The following GPHN variants were observed in gnomAD, a reference collection of about 807,000 sequenced individuals.
The protein encoded by GPHN is gephyrin.
GPHN carries 17 observed loss-of-function variants against 95.5 expected under a neutral mutation model. The ratio of observed to expected loss-of-function variants is 0.18; its 90% confidence interval spans 0.12 to 0.27. GPHN has a LOEUF of 0.27. GPHN is among the 10% of genes least tolerant of loss of function. The pLI, the probability that GPHN is intolerant of heterozygous loss-of-function variation, is 1.00. For missense variants in GPHN, 660 were observed against 978.1 expected (o/e 0.67, Z 4.34); for synonymous variants, 320 against 322.5 (o/e 0.99, Z 0.08).
chr14:66,945,789 A>G (rs2067711847), intron 8 of GPHN, among the ~76,000 whole-genome samples: 1 of 152,184 alleles, frequency 6.6e-6, no homozygotes, highest in Non-Finnish European at 1.5e-5. Context: ...GGGACTTTAT[A>G]CAAAGCATAC....
chr14:67,477,705 G>A, the GPHN span, among the ~76,000 whole-genome samples: 5 of 152,264 alleles, frequency 3.3e-5, no homozygotes, highest in African/African-American at 4.8e-5. Context: ...CAGAAGGATC[G>A]CTCGAGCCCA....
chr14:67,442,187 C>T, the GPHN span, among the ~76,000 whole-genome samples: 1 of 152,046 alleles, frequency 6.6e-6, no homozygotes, highest in Non-Finnish European at 1.5e-5. Flanking sequence ...GCATAAGTGC[C>T]TAAGCGCCAT....
At position 67,040,261 on chromosome 14, in the gene GPHN, ATT is replaced by A. The variant is rs1376745671; in HGVS notation, c.1006+16589_1006+16590del. The stretch of plus-strand genomic sequence containing the variant: ...CATCCAGACTCCCCCAAATGTTAAC[ATT>A]TTGTCACATTTCCTTTATCATTTCT... On this transcript the variant is annotated intron_variant, in intron 10 of 22. Coordinates refer to ENST00000478722, the MANE Select transcript of GPHN (RefSeq NM_020806.5). 3.3e-5 allele frequency among the ~76,000 whole-genome samples: 5 copies of A among 152,136 alleles called. 1 individual carries two copies. The East Asian group carries it at 9.6e-4, about 29-fold the overall frequency.
chr14:67,473,437 G>A, the GPHN span: 1 of 1,614,042 alleles, frequency 6.2e-7, no homozygotes, highest in African/African-American at 1.3e-5. The surrounding 1 kb of genome is among the most constrained non-coding windows in gnomAD (Gnocchi z 6.5). Flanking sequence ...GTCTTGACAT[G>A]GCCGTTGGCC....
intron 2 of GPHN, among the ~76,000 whole-genome samples, chr14:66,684,211 A>T (rs946088570): frequency 1.3e-5 from 2 of 152,158 alleles, no homozygotes; most frequent in Non-Finnish European, 2.9e-5. Flanking sequence ...GTAAATAAGA[A>T]TTAAGAATTT....
chr14:67,405,301 C>G, the GPHN span, among the ~76,000 whole-genome samples: 3 of 148,624 alleles, frequency 2.0e-5, no homozygotes, highest in Non-Finnish European at 3.0e-5. Flanking sequence ...AGTTTGTTTA[C>G]TTATATGAAT....
At chr14:67,505,291 T>C in the GPHN span, among the ~76,000 whole-genome samples, 1 of 152,122 alleles carries the variant, frequency 6.6e-6, no homozygotes, top group Non-Finnish European at 1.5e-5. Context: ...CCTGTCCCCA[T>C]AGAAAACTGG....
At chr14:66,815,152 A>G (rs1467737577) in intron 3 of GPHN, among the ~76,000 whole-genome samples, 2 of 152,228 alleles carry the variant, frequency 1.3e-5, no homozygotes, top group Non-Finnish European at 2.9e-5. Context: ...AAAACTTCCA[A>G]GAAATATGGG....
chr14:67,466,882 C>G, the GPHN span, among the ~76,000 whole-genome samples: 1 of 151,280 alleles, frequency 6.6e-6, no homozygotes, highest in African/African-American at 2.4e-5. Flanking sequence ...GTAATCCCAG[C>G]TACTCAGGAG....
At chr14:67,316,998 C>A in the GPHN span, 1 of 959,082 alleles carries the variant, frequency 1.0e-6, no homozygotes, top group Non-Finnish European at 1.6e-6. Flanking sequence ...AAGAAGTACT[C>A]AGGGAAAGAG....
the GPHN span, among the ~76,000 whole-genome samples, chr14:67,230,471 C>G: frequency 6.6e-6 from 1 of 152,004 alleles, no homozygotes; most frequent in Non-Finnish European, 1.5e-5. Flanking sequence ...ATTCAGGAGA[C>G]TGAGGATGGA....
At chr14:67,511,926 G>A in the GPHN span, among the ~76,000 whole-genome samples, 17 of 152,356 alleles carry the variant, frequency 1.1e-4, no homozygotes, top group East Asian at 2.7e-3. Flanking sequence ...ATCTGTGGAT[G>A]TGTGTGTCGG....
rs916651097 is a variant in GPHN, at chr14:66,928,083, A to G, written c.828+3791A>G. ...GTATAGAAGTATTCCTTCCTTCTCT[A>G]TTTTTCAGAATAGTTTGAGTAGGAT... On this transcript the variant is annotated intron_variant, in intron 8 of 22. Coordinates refer to ENST00000478722, the MANE Select transcript of GPHN (RefSeq NM_020806.5). 2.6e-5 allele frequency among the ~76,000 whole-genome samples: 4 copies of G among 152,048 alleles called. No individual in the cohort carries two copies. The East Asian group carries it at 5.8e-4, about 22-fold the overall frequency.
At chr14:66,758,383 T>C (rs2058643317) in intron 2 of GPHN, among the ~76,000 whole-genome samples, 2 of 152,194 alleles carry the variant, frequency 1.3e-5, no homozygotes, top group Non-Finnish European at 2.9e-5. Flanking sequence ...AGAATAGGAA[T>C]GAAGACGATC....
intron 2 of GPHN, among the ~76,000 whole-genome samples, chr14:66,696,160 A>G (rs1319051242): frequency 2.0e-5 from 3 of 152,218 alleles, no homozygotes; most frequent in Admixed American, 6.5e-5. Flanking sequence ...TAAAGATGCT[A>G]TGAATTTCTT....
intron 5 of GPHN, among the ~76,000 whole-genome samples, chr14:66,897,172 C>G (rs550514371): frequency 6.6e-6 from 1 of 152,072 alleles, no homozygotes; most frequent in South Asian, 2.1e-4. Context: ...AACTATAGTA[C>G]AAAATTACAG....
At chr14:66,827,628 T>C (rs2061431521) in intron 4 of GPHN, among the ~76,000 whole-genome samples, 1 of 151,878 alleles carries the variant, frequency 6.6e-6, no homozygotes. Context: ...AACTACCAAA[T>C]GGACACATTT....
At chr14:67,504,874 G>T in the GPHN span, among the ~76,000 whole-genome samples, 1 of 152,122 alleles carries the variant, frequency 6.6e-6, no homozygotes, top group Non-Finnish European at 1.5e-5. Context: ...CAACAAGAGC[G>T]ACACTCCGTC....
Position 66,846,091 on chromosome 14 carries a change from C to T in GPHN, c.294+21525C>T, listed in dbSNP as rs536214997. Among the ~76,000 whole-genome samples the T allele has an allele frequency of 8.5e-5, 13 of 152,210 alleles. No individual in the cohort carries two copies. In the East Asian group the frequency reaches 2.1e-3, roughly 25 times the overall value. On this transcript the variant is annotated intron_variant, in intron 4 of 22. Transcript: ENST00000478722. ...CTGCAGTAGTTAAAATAATGATGGA[C>T]TTAGGAAAGAAGACTTTCAATCTGT...
Sources: allele counts gnomAD v4.1 joint callset (sites outside exome capture counted in the v4.1 genomes callset), GRCh38; gene constraint gnomAD v4.1.1; non-coding constraint Gnocchi (gnomAD v3.1); transcripts MANE v1.5; gene names NCBI Gene and HGNC (gene_info 2026-07-23, HGNC 2026-07-21).